The following NALF1 variants were observed in gnomAD, a reference collection of about 807,000 sequenced individuals.
NALF1 encodes the protein NALCN channel auxiliary factor 1.
A neutral mutation model predicts 48.4 loss-of-function variants in NALF1; 3 were observed. That is an observed-to-expected ratio of 0.06 (90% CI 0.03 to 0.16). NALF1 has a LOEUF of 0.16. Ranked by LOEUF, NALF1 falls within the 10% of genes least tolerant of loss-of-function variation. The probability of loss-of-function intolerance (pLI) is 1.00; values close to 1 mark genes in which losing one functional copy is unlikely to be tolerated. For synonymous variants in NALF1, 262 were observed against 245.7 expected, an observed-to-expected ratio of 1.07 and a Z score of -0.62; for missense variants, 526 against 571.5, an observed-to-expected ratio of 0.92 and a Z score of 0.81.
intron 1 of NALF1, among the ~76,000 whole-genome samples, chr13:107,576,929 A>G (rs755381119): frequency 6.6e-6 from 1 of 152,234 alleles, no homozygotes; most frequent in African/African-American, 2.4e-5. Flanking sequence ...AGGAGCCAGC[A>G]TTACAAGGAA....
At chr13:107,407,956 C>T (rs1313859340) in intron 1 of NALF1, among the ~76,000 whole-genome samples, 4 of 151,972 alleles carry the variant, frequency 2.6e-5, no homozygotes, top group African/African-American at 4.8e-5. Context: ...TGCAACAACA[C>T]GCATGGAACT....
chr13:107,817,821 G>A (rs1057066065), intron 1 of NALF1, among the ~76,000 whole-genome samples: 1 of 149,614 alleles, frequency 6.7e-6, no homozygotes, highest in African/African-American at 2.4e-5. Context: ...AACCTCCTCA[G>A]CACACCATCC....
chr13:107,189,786 T>C (rs1196078337), intron 2 of NALF1, among the ~76,000 whole-genome samples: 1 of 152,200 alleles, frequency 6.6e-6, no homozygotes, highest in African/African-American at 2.4e-5. Flanking sequence ...CTCTCATAAA[T>C]GGGAAGGGTG....
At chr13:107,480,980 GA>G (rs1055752070) in intron 1 of NALF1, among the ~76,000 whole-genome samples, 7 of 148,180 alleles carry the variant, frequency 4.7e-5, no homozygotes, top group East Asian at 2.0e-4. Flanking sequence ...AAACTGGGTT[GA>G]AAAAAAAAAC....
intron 1 of NALF1, among the ~76,000 whole-genome samples, chr13:107,582,018 T>G (rs768782100): frequency 3.9e-5 from 6 of 152,220 alleles, no homozygotes; most frequent in African/African-American, 4.8e-5. Context: ...CTAGGAATTC[T>G]GTGTTTCATT....
At chr13:107,659,114 G>GACACACACACACACACACACACAC (rs71121541) in intron 1 of NALF1, among the ~76,000 whole-genome samples, 4 of 145,804 alleles carry the variant, frequency 2.7e-5, no homozygotes, top group East Asian at 2.2e-4. Context: ...CTGACACACA[G>GACACACACACACACACACACACAC]ACACACACAC....
At chr13:107,479,980 A>G (rs1412782832) in intron 1 of NALF1, among the ~76,000 whole-genome samples, 1 of 152,126 alleles carries the variant, frequency 6.6e-6, no homozygotes, top group Non-Finnish European at 1.5e-5. Flanking sequence ...GATTGACACT[A>G]CGAAGATGGG....
chr13:107,346,972 C>A (rs1436142154), intron 1 of NALF1, among the ~76,000 whole-genome samples: 4 of 152,052 alleles, frequency 2.6e-5, no homozygotes, highest in African/African-American at 9.7e-5. Flanking sequence ...TATTTATGTT[C>A]AGAATTAGGT....
rs148166366 is a variant in NALF1 at position 107,623,445 on chromosome 13, A to G, written c.915+242237T>C. On this transcript the variant is annotated intron_variant, in intron 1 of 2. Coordinates refer to ENST00000375915, the MANE Select transcript of NALF1 (RefSeq NM_001080396.3). Reference sequence around the variant, plus strand: ...GGCTTGGAAACAGAGTAAAGAAATTAGAAAAAAAAAAAAATATTACTCCCC... The same window carrying G: ...GGCTTGGAAACAGAGTAAAGAAATTGGAAAAAAAAAAAAATATTACTCCCC... 1.2e-3 allele frequency among the ~76,000 whole-genome samples: 165 copies of G among 139,852 alleles called. 1 individual carries two copies. The highest frequency in any genetic ancestry group is 4.0e-3 in the African/African-American group (162 of 40,218). 91.7% of individuals were successfully genotyped at this position (139,852 alleles called of 152,430 possible).
intron 1 of NALF1, among the ~76,000 whole-genome samples, chr13:107,348,911 C>G (rs918882954): frequency 1.3e-5 from 2 of 152,224 alleles, no homozygotes; most frequent in African/African-American, 4.8e-5. Flanking sequence ...CAGATGCCAG[C>G]TCCTCCTTTG....
intron 1 of NALF1, among the ~76,000 whole-genome samples, chr13:107,589,278 G>A (rs1323212320): frequency 1.3e-5 from 2 of 151,892 alleles, no homozygotes; most frequent in Non-Finnish European, 2.9e-5. Context: ...TTTCATCACC[G>A]TTAAAATCTT....
chr13:107,200,864 C>A (rs1879497962), intron 2 of NALF1, among the ~76,000 whole-genome samples: 1 of 152,050 alleles, frequency 6.6e-6, no homozygotes, highest in Non-Finnish European at 1.5e-5. Flanking sequence ...TGCTGTAGTC[C>A]CGGTGACTTT....
chr13:107,479,458 C>T (rs1332689551), intron 1 of NALF1, among the ~76,000 whole-genome samples: 1 of 152,170 alleles, frequency 6.6e-6, no homozygotes, highest in Non-Finnish European at 1.5e-5. Flanking sequence ...GACTGATTCT[C>T]ATTCTGCTCT....
chr13:107,426,367 G>A lies in NALF1; in HGVS notation c.916-215612C>T, dbSNP rs79847153. Among the ~76,000 whole-genome samples the A allele has an allele frequency of 2.3e-3, 351 of 152,250 alleles. 2 individuals carry two copies. Among genetic ancestry groups the A allele is most frequent in the Non-Finnish European group, 4.1e-3 (281 of 68,012 alleles). Reference sequence around the variant, plus strand: ...GCTTGACAGCGCCAAGAGAACAGGCGTTGTTGAACAAATGAATAAATATGG... The same window carrying A: ...GCTTGACAGCGCCAAGAGAACAGGCATTGTTGAACAAATGAATAAATATGG... On this transcript the variant is annotated intron_variant, in intron 1 of 2. Coordinates refer to ENST00000375915, the MANE Select transcript of NALF1 (RefSeq NM_001080396.3).
At chr13:107,547,008 G>A (rs1344555804) in intron 1 of NALF1, among the ~76,000 whole-genome samples, 1 of 152,158 alleles carries the variant, frequency 6.6e-6, no homozygotes, top group Non-Finnish European at 1.5e-5. Context: ...CTGCTCATTT[G>A]CAAGTGGAGA....
chr13:107,247,572 ATAT>A (rs1371626571), intron 1 of NALF1, among the ~76,000 whole-genome samples: 1 of 152,224 alleles, frequency 6.6e-6, no homozygotes, highest in Non-Finnish European at 1.5e-5. Flanking sequence ...GGAGGGAAAA[ATAT>A]TATACGCTGA....
At chr13:107,339,564 T>C (rs2138932670) in intron 1 of NALF1, among the ~76,000 whole-genome samples, 1 of 152,298 alleles carries the variant, frequency 6.6e-6, no homozygotes, top group South Asian at 2.1e-4. Flanking sequence ...CCCAGAGCTG[T>C]TGTACAAAAA....
rs911202671 is a variant in NALF1, at chr13:107,169,174, A to G, written c.*1323T>C. The stretch of plus-strand genomic sequence containing the variant: ...TCCTCAACTACCTAGAGCATGTTAG[A>G]GTGATAAAGTTTTTGCACGTTAATA... On this transcript the variant is annotated 3_prime_UTR_variant, in exon 3 of 3. Coordinates refer to ENST00000375915, the MANE Select transcript of NALF1 (RefSeq NM_001080396.3). 1 of 152,530 alleles carries G rather than the reference A, an allele frequency of 6.6e-6. No homozygotes were observed. Among genetic ancestry groups the G allele is most frequent in the East Asian group, 1.9e-4 (1 of 5,190 alleles). The allele number at this position is 152,530 out of a possible 1,614,324, so 9.4% of individuals were successfully genotyped here.
At chr13:107,259,771 T>A (rs1219357738) in intron 1 of NALF1, among the ~76,000 whole-genome samples, 1 of 152,208 alleles carries the variant, frequency 6.6e-6, no homozygotes, top group African/African-American at 2.4e-5. Context: ...TTAGCACCTA[T>A]GAGTAGTAGA....
Sources: allele counts gnomAD v4.1 joint callset (sites outside exome capture counted in the v4.1 genomes callset), GRCh38; gene constraint gnomAD v4.1.1; transcripts MANE v1.5; gene names NCBI Gene and HGNC (gene_info 2026-07-23, HGNC 2026-07-21).